Variants in ODF2 observed in about 807,000 individuals in gnomAD.
ODF2 encodes outer dense fiber of sperm tails 2.
ODF2 carries 47 observed loss-of-function variants against 110.2 expected under a neutral mutation model. That is an observed-to-expected ratio of 0.43 (90% CI 0.34 to 0.54). The LOEUF (loss-of-function observed/expected upper bound fraction) is 0.54. Among genes scored for constraint, ODF2 ranks in the 20% least tolerant of loss-of-function variants. The pLI is 0.03. For synonymous variants in ODF2, 352 were observed against 397.7 expected, an observed-to-expected ratio of 0.89 and a Z score of 1.37; for missense variants, 812 against 1,054.5, an observed-to-expected ratio of 0.77 and a Z score of 3.19.
chr9:128,456,414 C>T (rs1834794316), intron 1 of ODF2, 159 bp downstream of exon 1: 11 of 1,476,450 alleles, frequency 7.5e-6, no homozygotes, highest in Non-Finnish European at 9.8e-6. Context: ...CCTGGGCCCC[C>T]GCCCCGCCCA....
chr9:128,456,749 C>CT (rs1195311852), intron 1 of ODF2: 7 of 968,800 alleles, frequency 7.2e-6, no homozygotes, highest in Non-Finnish European at 7.3e-6. Flanking sequence ...TGCCAGGGCC[C>CT]TCGCCCGGCG....
In ODF2 at chr9:128,485,314, A is replaced by T; in HGVS notation, c.1291-51A>T. On this transcript the variant is annotated intron_variant, in intron 12 of 20. Transcript: ENST00000604420. This position sits in a 1 kb window ranked among gnomAD's most constrained non-coding sequence, Gnocchi z 5.0. The stretch of plus-strand genomic sequence containing the variant: ...GATGAGCCCGCTCCCAGCTCCTGGC[A>T]GCCTCACCACTGACACTAGGCTAAC... The T allele has an allele frequency of 1.0e-6, 1 of 973,330 alleles. No individual in the cohort carries two copies. The highest frequency in any genetic ancestry group is 1.6e-6 in the Non-Finnish European group (1 of 615,968). 60.3% of individuals were successfully genotyped at this position (973,330 alleles called of 1,614,324 possible).
At chr9:128,457,291 AG>A (rs1160298579) in exon 2 of ODF2, 10 of 1,605,708 alleles carry the variant, frequency 6.2e-6, no homozygotes, top group Non-Finnish European at 8.5e-6. Flanking sequence ...CCCCTCAGAG[AG>A]GACGTTTGAT....
At chr9:128,456,424 A>G in intron 1 of ODF2, 169 bp downstream of exon 1, 1 of 1,479,502 alleles carries the variant, frequency 6.8e-7, no homozygotes, top group Non-Finnish European at 8.9e-7. Flanking sequence ...CGCCCCGCCC[A>G]CCGGCGCGGG....
intron 14 of ODF2, among the ~76,000 whole-genome samples, chr9:128,491,655 C>T (rs1844583954): frequency 6.6e-6 from 1 of 151,474 alleles, no homozygotes. Flanking sequence ...CAGAGCGAGA[C>T]TCCATCTCAA....
chr9:128,483,127 C>G (rs563760357), intron 10 of ODF2, among the ~76,000 whole-genome samples: 1 of 152,054 alleles, frequency 6.6e-6, no homozygotes. Flanking sequence ...ATCTCTTGAC[C>G]TCGTGATCTG....
In ODF2 at chr9:128,458,099, C is replaced by T. The variant is rs1267341480; in HGVS notation, c.32+662C>T. Among the ~76,000 whole-genome samples the T allele has an allele frequency of 2.7e-5, 4 of 148,546 alleles. No individual in the cohort carries two copies. In the East Asian group the frequency reaches 5.9e-4, roughly 22 times the overall value. On this transcript the variant is annotated intron_variant, in intron 2 of 20. Transcript: ENST00000604420. Reference sequence around the variant, plus strand: ...GGCAAGATGATAATTTTGGACCTCCCTGTCTCTGCCCCACCCTCCCTGCCA... The same window carrying T: ...GGCAAGATGATAATTTTGGACCTCCTTGTCTCTGCCCCACCCTCCCTGCCA...
At position 128,471,484 on chromosome 9, in the gene ODF2, C is replaced by T. The variant is rs749246057; in HGVS notation, c.581+16C>T. 1.2e-6 allele frequency: 2 copies of T among 1,611,266 alleles called. No individual in the cohort carries two copies. Among genetic ancestry groups the T allele is most frequent in the Admixed American group, 1.7e-5 (1 of 59,614 alleles). On this transcript the variant is annotated intron_variant, in intron 6 of 20. Transcript: ENST00000604420. ...ACTTCACCATGTAAGGTGGCTCCTG[C>T]TCTGTCCCCGCTGATCTATTCCTCC...
At chr9:128,472,829 C>T in intron 6 of ODF2, 84 bp from the exon 7 acceptor site, 4 of 1,594,352 alleles carry the variant, frequency 2.5e-6, no homozygotes, top group Non-Finnish European at 3.4e-6. Context: ...GAGGTGAGCC[C>T]CCTAGGGCAT....
intron 5 of ODF2, chr9:128,469,619 G>A: frequency 4.0e-6 from 2 of 494,492 alleles, no homozygotes; most frequent in Non-Finnish European, 3.6e-6. Flanking sequence ...AACAGCATGT[G>A]AAGCCAGTGG....
intron 2 of ODF2, chr9:128,457,478 A>C (rs1588672750): frequency 6.4e-7 from 1 of 1,561,640 alleles, no homozygotes; most frequent in African/African-American, 1.4e-5. Context: ...GAGGGCAGGG[A>C]AAGGTGGCCA....
intron 1 of ODF2, 48 bp downstream of exon 1, chr9:128,456,303 G>A: frequency 1.3e-6 from 2 of 1,495,516 alleles, no homozygotes; most frequent in Non-Finnish European, 1.8e-6. Context: ...GGGGCACCGC[G>A]GGCGAGACCG....
chr9:128,499,132 T>G lies in ODF2; in HGVS notation c.2301+6T>G. The G allele has an allele frequency of 6.2e-7, 1 of 1,614,114 alleles. No individual in the cohort carries two copies. Among genetic ancestry groups the G allele is most frequent in the Non-Finnish European group, 8.5e-7 (1 of 1,179,988 alleles). ...TGCGGCGGAGCCGTGATGATGTGAG[T>G]CAGGCTGGTGGGCCGGGCTAGGAGA... is the stretch of plus-strand genomic sequence containing the variant. On this transcript the variant is annotated splice_donor_region_variant and intron_variant, in intron 20 of 20. Transcript: ENST00000604420.
chr9:128,499,029 C>G, exon 20 of ODF2: 1 of 1,614,182 alleles, frequency 6.2e-7, no homozygotes, highest in Admixed American at 1.7e-5. Flanking sequence ...CACGCACTCT[C>G]CAAGGAGCGA....
At chr9:128,467,057 A>G (rs1419171262) in intron 4 of ODF2, among the ~76,000 whole-genome samples, 5 of 109,308 alleles carry the variant, frequency 4.6e-5, no homozygotes, top group East Asian at 5.5e-4. Flanking sequence ...ATATATATAT[A>G]GTCATATATC....
chr9:128,455,678 G>GAGA (rs149078806), upstream of ODF2, among the ~76,000 whole-genome samples: 2 of 151,206 alleles, frequency 1.3e-5, no homozygotes, highest in African/African-American at 4.9e-5. Flanking sequence ...TGTGGGCAGG[G>GAGA]GAGAGGCCGG....
At chr9:128,456,782 TC>T in intron 1 of ODF2, 1 of 791,814 alleles carries the variant, frequency 1.3e-6, no homozygotes, top group Non-Finnish European at 1.8e-6. Context: ...GCCCGCCCCC[TC>T]CCAGCCCGGC....
intron 16 of ODF2, 36 bp downstream of exon 16, chr9:128,492,841 A>C: frequency 6.5e-7 from 1 of 1,541,574 alleles, no homozygotes; most frequent in Non-Finnish European, 9.0e-7. Context: ...TCTCCTACCC[A>C]ATTCCATATC....
chr9:128,497,447 ATATATAT>A (rs1306551580), intron 18 of ODF2: 10 of 37,866 alleles, frequency 2.6e-4, no homozygotes, highest in South Asian at 1.1e-3. Flanking sequence ...AAAAAAAAAA[ATATATAT>A]ATATATATAT....
Sources: gnomAD v4.1 joint callset for allele counts (sites outside exome capture counted in the v4.1 genomes callset) on GRCh38, gnomAD v4.1.1 for gene constraint, Gnocchi (gnomAD v3.1) non-coding constraint, MANE v1.5 for transcripts, NCBI Gene and HGNC (gene_info 2026-07-23, HGNC 2026-07-21) for gene names.